FRMD5: variants seen among roughly 807,000 people sequenced by gnomAD.
The protein encoded by FRMD5 is FERM domain-containing protein 5.
FRMD5 carries 20 observed loss-of-function variants against 69.0 expected under a neutral mutation model. That is an observed-to-expected ratio of 0.29 (90% confidence interval 0.20 to 0.42). FRMD5 has a LOEUF of 0.42. Among genes scored for constraint, FRMD5 ranks in the 10% least tolerant of loss-of-function variants. FRMD5 has a pLI of 1.00. For synonymous variants in FRMD5, 271 were observed against 260.1 expected, an observed-to-expected ratio of 1.04 and a Z score of -0.40; for missense variants, 595 against 708.6, an observed-to-expected ratio of 0.84 and a Z score of 1.82.
At chr15:43,988,461 CATAAGTGTTTTTTTT>C (rs146929331) in intron 1 of FRMD5, among the ~76,000 whole-genome samples, 4,301 of 150,854 alleles carry the variant, frequency 0.029, 176 homozygotes, top group African/African-American at 0.089. Flanking sequence ...ATAGTGGAAA[CATAAGTGTTTTTTTT>C]ATAAGGCATG....
chr15:44,191,922 T>TATATATA (rs1279440991), intron 1 of FRMD5, among the ~76,000 whole-genome samples: 141 of 8,908 alleles, frequency 0.016, 9 homozygotes, highest in East Asian at 0.021. Context: ...TATATATATA[T>TATATATA]TATATATATA....
chr15:43,892,193 T>C, intron 7 of FRMD5, 124 bp from the exon 8 acceptor site: 2 of 788,762 alleles, frequency 2.5e-6, no homozygotes, highest in Non-Finnish European at 4.2e-6. Context: ...GAAAAGCATA[T>C]CATCTGGAAT....
intron 1 of FRMD5, among the ~76,000 whole-genome samples, chr15:44,067,519 C>G (rs1000596991): frequency 6.6e-6 from 1 of 152,140 alleles, no homozygotes; most frequent in Non-Finnish European, 1.5e-5. Context: ...AGTCCAAGAT[C>G]AAGGCACCAG....
intron 9 of FRMD5, among the ~76,000 whole-genome samples, chr15:43,888,547 G>A (rs762430929): frequency 7.0e-4 from 106 of 152,144 alleles, no homozygotes; most frequent in Non-Finnish European, 1.2e-3. Context: ...CCATATACAC[G>A]AAAGAAAAAG....
intron 1 of FRMD5, among the ~76,000 whole-genome samples, chr15:43,969,089 CT>C (rs767527729): frequency 4.5e-3 from 620 of 136,982 alleles, no homozygotes; most frequent in Middle Eastern, 0.012. Flanking sequence ...TGCCTTCATT[CT>C]TTTTTTTTTT....
At chr15:44,035,728 T>A (rs757575646) in intron 1 of FRMD5, among the ~76,000 whole-genome samples, 1 of 152,202 alleles carries the variant, frequency 6.6e-6, no homozygotes, top group Non-Finnish European at 1.5e-5. Flanking sequence ...ACCTGACTAT[T>A]TTTTCTTTGG....
chr15:44,140,588 T>C (rs2077255535), intron 1 of FRMD5, among the ~76,000 whole-genome samples: 1 of 151,748 alleles, frequency 6.6e-6, no homozygotes, highest in African/African-American at 2.4e-5. Context: ...TCATAAGAAA[T>C]CCAAGAAAGG....
In FRMD5 at chr15:44,157,207, G is replaced by T. The variant is rs146281246; in HGVS notation, c.102+37746C>A. ...TATGTTTAATTCCTACTTCTCTAGA[G>T]GAAGCCTCCTTTCTTCATGAAAAGT... On this transcript the variant is annotated intron_variant, in intron 1 of 13. Transcript: ENST00000417257. Among the ~76,000 whole-genome samples, 600 of 152,260 alleles carry T rather than the reference G, an allele frequency of 3.9e-3. 5 individuals carry two copies. The highest frequency in any genetic ancestry group is 0.014 in the African/African-American group (562 of 41,558).
chr15:44,077,999 T>A (rs1893841028), intron 1 of FRMD5, among the ~76,000 whole-genome samples: 1 of 152,110 alleles, frequency 6.6e-6, no homozygotes, highest in Non-Finnish European at 1.5e-5. Flanking sequence ...CATACATATC[T>A]TATACATTGC....
chr15:43,942,675 A>G (rs1406381199), intron 1 of FRMD5, among the ~76,000 whole-genome samples: 1 of 152,246 alleles, frequency 6.6e-6, no homozygotes, highest in African/African-American at 2.4e-5. Flanking sequence ...ACAACACATA[A>G]GAGTCAAAAT....
intron 1 of FRMD5, among the ~76,000 whole-genome samples, chr15:43,967,758 T>C: frequency 6.6e-6 from 1 of 152,276 alleles, no homozygotes; most frequent in East Asian, 1.9e-4. Context: ...TCTTTAAATT[T>C]TTTTTTAAAT....
At chr15:43,898,797 G>C (rs1023605742) in intron 7 of FRMD5, among the ~76,000 whole-genome samples, 1 of 152,228 alleles carries the variant, frequency 6.6e-6, no homozygotes, top group Non-Finnish European at 1.5e-5. Context: ...GAGGGTCAAG[G>C]CAGAAAATGC....
At chr15:44,057,681 G>A (rs1892928272) in intron 1 of FRMD5, among the ~76,000 whole-genome samples, 1 of 152,090 alleles carries the variant, frequency 6.6e-6, no homozygotes, top group African/African-American at 2.4e-5. Context: ...AAATCCAAAA[G>A]GAAGTAAAGA....
chr15:43,875,237 G>A (rs761971285), intron 13 of FRMD5, among the ~76,000 whole-genome samples: 1 of 151,276 alleles, frequency 6.6e-6, no homozygotes, highest in Non-Finnish European at 1.5e-5. Context: ...CATGCCTGTT[G>A]TCCCAGCTAC....
At chr15:43,989,040 C>T (rs974630784) in intron 1 of FRMD5, 13 of 830,740 alleles carry the variant, frequency 1.6e-5, no homozygotes, top group African/African-American at 3.4e-5. Flanking sequence ...AAGGGTGTAA[C>T]GCAACTAAGT....
chr15:43,934,543 T>C (rs2089726913), intron 1 of FRMD5, among the ~76,000 whole-genome samples: 1 of 152,230 alleles, frequency 6.6e-6, no homozygotes, highest in Admixed American at 6.5e-5. Flanking sequence ...GGGCCATTGC[T>C]CAAAGTAAAT....
rs977967731 is a variant in FRMD5 at position 43,902,279 on chromosome 15, G to T, written c.552-17C>A. ...GTTTGACCACTGGAATAAAGAAGAT[G>T]AGATGATTTCAAGGTGTCTTGTTCC... On this transcript the variant is annotated splice_polypyrimidine_tract_variant and intron_variant, in intron 6 of 13. Coordinates refer to ENST00000417257, the MANE Select transcript of FRMD5 (RefSeq NM_032892.5). The T allele has an allele frequency of 1.2e-6, 2 of 1,602,486 alleles. No homozygotes were observed. The highest frequency in any genetic ancestry group is 2.7e-5 in the African/African-American group (2 of 74,788).
chr15:44,040,447 T>C (rs1892137185), intron 1 of FRMD5, among the ~76,000 whole-genome samples: 1 of 152,282 alleles, frequency 6.6e-6, no homozygotes, highest in Non-Finnish European at 1.5e-5. Flanking sequence ...TGGAAACCCA[T>C]CAGACTAACA....
In FRMD5 at chr15:44,193,972, A is replaced by G. The variant is rs956709325; in HGVS notation, c.102+981T>C. 3.3e-5 allele frequency among the ~76,000 whole-genome samples: 5 copies of G among 152,222 alleles called. No individual in the cohort carries two copies. The East Asian group carries it at 5.8e-4, about 18-fold the overall frequency. On this transcript the variant is annotated intron_variant, in intron 1 of 13. Coordinates refer to ENST00000417257, the MANE Select transcript of FRMD5 (RefSeq NM_032892.5). The stretch of plus-strand genomic sequence containing the variant: ...GTGAGACCCCTCTGGGTCCAGCTCA[A>G]TTAGCTTCTCCACAAAGAGCAGCTT...
Sources: gnomAD v4.1 joint callset for allele counts (sites outside exome capture counted in the v4.1 genomes callset) on GRCh38, gnomAD v4.1.1 for gene constraint, MANE v1.5 for transcripts, NCBI Gene and HGNC (gene_info 2026-07-23, HGNC 2026-07-21) for gene names.